Variants in ANKRD30B observed in about 807,000 individuals in gnomAD.
ANKRD30B encodes the protein ankyrin repeat domain-containing protein 30B.
ANKRD30B carries 144 observed loss-of-function variants against 202.2 expected under a neutral mutation model. The observed-to-expected ratio is 0.71, with a 90% CI of 0.62 to 0.82. The LOEUF is 0.82. Ranked by LOEUF, ANKRD30B falls within the 40% of genes least tolerant of loss-of-function variation. The pLI is 0.00. For synonymous variants in ANKRD30B, 508 were observed against 561.3 expected, an observed-to-expected ratio of 0.91 and a Z score of 1.34; for missense variants, 1,487 against 1,669.1, an observed-to-expected ratio of 0.89 and a Z score of 1.90.
the ANKRD30B span, among the ~76,000 whole-genome samples, chr18:14,862,680 C>G: frequency 6.6e-6 from 1 of 152,190 alleles, no homozygotes; most frequent in Admixed American, 6.5e-5. Context: ...ACCTCGAGAT[C>G]CCTGAATGGT....
the ANKRD30B span, among the ~76,000 whole-genome samples, chr18:14,926,439 T>C: frequency 6.6e-6 from 1 of 152,130 alleles, no homozygotes; most frequent in Non-Finnish European, 1.5e-5. Flanking sequence ...ATGACCTGTG[T>C]GGGCAGCTCT....
the ANKRD30B span, among the ~76,000 whole-genome samples, chr18:14,916,310 C>T: frequency 6.6e-6 from 1 of 151,998 alleles, no homozygotes; most frequent in Admixed American, 6.5e-5. Context: ...TGTAGTTCTC[C>T]TGTGAATGGC....
In ANKRD30B at chr18:14,752,669, C is replaced by T. The variant is rs910087295; in HGVS notation, c.325C>T (p.Pro109Ser). The T allele has an allele frequency of 3.1e-6, 5 of 1,602,908 alleles. No individual in the cohort carries two copies. The highest frequency in any genetic ancestry group is 2.7e-5 in the African/African-American group (2 of 74,764). Residue 109 changes from proline to serine, a missense_variant, in exon 2 of 44, where the codon CCT (proline) becomes TCT (serine). Pro to Ser is a moderately conservative substitution (Grantham distance 74). Coordinates refer to ENST00000690538, the MANE Select transcript of ANKRD30B (RefSeq NM_001367607.2). ...TGTCCTTGATGGCGAAGGGAGGACA[C>T]CTCTGATGAAGGTAAATAGTAGCCA... ...LNVLDGEGRT[P>S]LMKALQCERE...
chr18:14,933,491 A>C, the ANKRD30B span, among the ~76,000 whole-genome samples: 1 of 152,060 alleles, frequency 6.6e-6, no homozygotes, highest in Non-Finnish European at 1.5e-5. Flanking sequence ...CTGGGACTGC[A>C]GGGAGCAAGG....
intron 6 of ANKRD30B, among the ~76,000 whole-genome samples, chr18:14,761,438 G>C (rs1915242902): frequency 6.8e-6 from 1 of 146,016 alleles, no homozygotes; most frequent in South Asian, 2.3e-4. Flanking sequence ...CACCCCAGGA[G>C]AGCCATCCTG....
rs1452520716 is a variant in ANKRD30B, at chr18:14,748,321, G to A, written c.-99G>A. The A allele has an allele frequency of 3.4e-5, 34 of 1,005,282 alleles. No homozygotes were observed. Among genetic ancestry groups the A allele is most frequent in the Non-Finnish European group, 4.7e-5 (34 of 721,738 alleles). The allele number at this position is 1,005,282 out of a possible 1,614,324, so 62.3% of individuals were successfully genotyped here. A position where few individuals can be genotyped will look rare whatever the true frequency, so the allele number is the denominator to read the frequency against. ...AGACGGGCGAGTGCGAGCCGGGGGC[G>A]GGTGCTGGGGAAGGGTAAGCGGGAA... On this transcript the variant is annotated 5_prime_UTR_variant, in exon 1 of 44. Transcript: ENST00000690538.
the ANKRD30B span, among the ~76,000 whole-genome samples, chr18:14,923,198 G>T: frequency 6.6e-6 from 1 of 152,304 alleles, no homozygotes; most frequent in East Asian, 1.9e-4. Flanking sequence ...ACCACCAAAT[G>T]GGCTCTTCAG....
At chr18:14,920,110 G>C in the ANKRD30B span, among the ~76,000 whole-genome samples, 1 of 152,252 alleles carries the variant, frequency 6.6e-6, no homozygotes, top group South Asian at 2.1e-4. Flanking sequence ...TTGGTGTGTT[G>C]TGGTCAGTGG....
At chr18:14,756,287 G>T (rs1291671360) in intron 4 of ANKRD30B, among the ~76,000 whole-genome samples, 1 of 152,108 alleles carries the variant, frequency 6.6e-6, no homozygotes, top group Middle Eastern at 3.2e-3. Flanking sequence ...TGAGTTCATT[G>T]TAGATTCTGG....
the ANKRD30B span, among the ~76,000 whole-genome samples, chr18:14,937,858 A>G: frequency 6.6e-6 from 1 of 152,116 alleles, no homozygotes; most frequent in South Asian, 2.1e-4. Flanking sequence ...ACAAAACCCC[A>G]TAGAAAAGCA....
chr18:14,875,338 T>G, the ANKRD30B span, among the ~76,000 whole-genome samples: 1 of 152,030 alleles, frequency 6.6e-6, no homozygotes, highest in African/African-American at 2.4e-5. Flanking sequence ...GCCATCAAAT[T>G]AGAGTTCAGA....
intron 14 of ANKRD30B, 89 bp downstream of exon 14, chr18:14,784,624 T>C (rs1235255420): frequency 3.6e-6 from 5 of 1,396,984 alleles, no homozygotes; most frequent in Non-Finnish European, 4.9e-6. Context: ...TTATTTCTTT[T>C]AACTTTGATG....
intron 30 of ANKRD30B, among the ~76,000 whole-genome samples, chr18:14,819,480 G>T (rs763523743): frequency 8.6e-5 from 13 of 151,550 alleles, no homozygotes; most frequent in Non-Finnish European, 1.3e-4. Flanking sequence ...TTCTTCTAGG[G>T]TTTTTATGGT....
chr18:14,910,057 T>G, the ANKRD30B span: 1 of 152,212 alleles, frequency 6.6e-6, no homozygotes, highest in African/African-American at 2.4e-5. Flanking sequence ...AATACACATT[T>G]GAAAATTTGG....
At chr18:14,749,303 T>G (rs1177804706) in intron 1 of ANKRD30B, among the ~76,000 whole-genome samples, 2 of 152,208 alleles carry the variant, frequency 1.3e-5, no homozygotes, top group East Asian at 1.9e-4. Flanking sequence ...CTTTTACTGT[T>G]GTGATGACAT....
At chr18:14,881,500 A>G in the ANKRD30B span, among the ~76,000 whole-genome samples, 1 of 151,654 alleles carries the variant, frequency 6.6e-6, no homozygotes, top group African/African-American at 2.4e-5. Context: ...TTTGTTAGGG[A>G]TTTTGGCTTC....
chr18:14,798,070 C>T (rs1969043058), intron 20 of ANKRD30B, among the ~76,000 whole-genome samples: 4 of 152,158 alleles, frequency 2.6e-5, no homozygotes, highest in Admixed American at 2.6e-4. Context: ...ATGTGGATAT[C>T]TGTCCAGCAG....
At chr18:14,773,080 A>G (rs1330450882) in intron 9 of ANKRD30B, among the ~76,000 whole-genome samples, 1 of 152,220 alleles carries the variant, frequency 6.6e-6, no homozygotes, top group East Asian at 1.9e-4. Context: ...ATCTAAATGA[A>G]GAATGCAGAT....
intron 28 of ANKRD30B, among the ~76,000 whole-genome samples, chr18:14,811,568 A>G (rs1364665833): frequency 3.6e-5 from 5 of 138,256 alleles, no homozygotes; most frequent in Non-Finnish European, 7.8e-5. Context: ...ATTCTAAACT[A>G]CTTTTTAAAA....
Sources: gnomAD v4.1 joint callset for allele counts (sites outside exome capture counted in the v4.1 genomes callset) on GRCh38, gnomAD v4.1.1 for gene constraint, MANE v1.5 for transcripts, NCBI Gene and HGNC (gene_info 2026-07-23, HGNC 2026-07-21) for gene names.